Variants in SGCD observed in about 807,000 individuals in gnomAD.
SGCD encodes sarcoglycan delta.
In SGCD, 18 loss-of-function variants were observed where a neutral mutation model predicts 36.6. That is an observed-to-expected ratio of 0.49 (90% CI 0.34 to 0.73). The LOEUF (loss-of-function observed/expected upper bound fraction) is 0.73. SGCD is among the 30% of genes least tolerant of loss of function. The pLI, the probability that SGCD is intolerant of heterozygous loss-of-function variation, is 0.01. For missense variants in SGCD, 387 were observed against 346.7 expected, an observed-to-expected ratio of 1.12 and a Z score of -0.92; for synonymous variants, 133 against 130.6, an observed-to-expected ratio of 1.02 and a Z score of -0.12.
chr5:156,626,037 G>A (rs1762426370), intron 6 of SGCD, among the ~76,000 whole-genome samples: 1 of 151,980 alleles, frequency 6.6e-6, no homozygotes, highest in South Asian at 2.1e-4. Flanking sequence ...CAATTTGGTG[G>A]GGGTGGAGGT....
intron 1 of SGCD, among the ~76,000 whole-genome samples, chr5:156,095,832 A>G (rs1761361924): frequency 6.6e-6 from 1 of 152,204 alleles, no homozygotes; most frequent in Admixed American, 6.5e-5. Context: ...TCCTAATGGA[A>G]CAAAGCTCAG....
chr5:156,284,680 A>G (rs1766546947), intron 3 of SGCD, among the ~76,000 whole-genome samples: 2 of 152,206 alleles, frequency 1.3e-5, no homozygotes, highest in Admixed American at 1.3e-4. Context: ...TCTCAAAATT[A>G]TAAGAGCTGT....
chr5:156,129,799 G>C (rs1460536147), intron 3 of SGCD, among the ~76,000 whole-genome samples: 1 of 152,168 alleles, frequency 6.6e-6, no homozygotes, highest in African/African-American at 2.4e-5. Flanking sequence ...CTTCATCCAT[G>C]TTCCCACATT....
intron 1 of SGCD, among the ~76,000 whole-genome samples, chr5:156,016,242 A>T (rs753635759): frequency 1.3e-5 from 2 of 151,840 alleles, no homozygotes; most frequent in African/African-American, 2.4e-5. Context: ...TTTCATTTCA[A>T]TTTTTTTTCC....
rs190295310 is a variant in SGCD, at chr5:156,061,125, C to T, written c.-281-56753C>T. 1.9e-3 allele frequency among the ~76,000 whole-genome samples: 276 copies of T among 145,588 alleles called. 39 individuals carry two copies. Among genetic ancestry groups the T allele is most frequent in the Non-Finnish European group, 2.6e-4 (17 of 64,742 alleles). On this transcript the variant is annotated intron_variant, in intron 1 of 9. Transcript: ENST00000517913. ...AGTCAAAGCACTAGTCTCACAGAGA[C>T]GTTATTAATGAGTCTATAAGATTTT...
chr5:155,798,329 A>G, the SGCD span, among the ~76,000 whole-genome samples: 1,447 of 152,294 alleles, frequency 9.5e-3, 24 homozygotes, highest in African/African-American at 0.033. Flanking sequence ...ATTTTCAAAT[A>G]TATTATAGCC....
intron 4 of SGCD, among the ~76,000 whole-genome samples, chr5:156,585,245 A>G (rs562347817): frequency 6.6e-6 from 1 of 152,298 alleles, no homozygotes; most frequent in African/African-American, 2.4e-5. Context: ...CTACCCAAGC[A>G]TATTTATAAA....
At chr5:155,865,127 G>GATAGATAA in the SGCD span, among the ~76,000 whole-genome samples, 24 of 151,242 alleles carry the variant, frequency 1.6e-4, no homozygotes, top group African/African-American at 5.1e-4. Context: ...TAGATAGATA[G>GATAGATAA]ATAGATATTT....
the SGCD span, among the ~76,000 whole-genome samples, chr5:155,796,675 G>T: frequency 1.9e-4 from 29 of 151,560 alleles, no homozygotes; most frequent in African/African-American, 7.0e-4. Context: ...GTGTGGTGGT[G>T]CATGCTTGTA....
intron 1 of SGCD, among the ~76,000 whole-genome samples, chr5:156,030,704 A>G (rs1759329212): frequency 6.6e-6 from 1 of 152,098 alleles, no homozygotes; most frequent in Non-Finnish European, 1.5e-5. Flanking sequence ...AGTCATTTCC[A>G]TAGGGGGTTG....
chr5:155,783,302 C>T, the SGCD span, among the ~76,000 whole-genome samples: 2 of 152,094 alleles, frequency 1.3e-5, no homozygotes, highest in Non-Finnish European at 2.9e-5. Flanking sequence ...GAAATATCAA[C>T]AGAATTTAAA....
At chr5:156,339,514 C>T (rs1451349319) in intron 2 of SGCD, among the ~76,000 whole-genome samples, 2 of 152,130 alleles carry the variant, frequency 1.3e-5, no homozygotes, top group Non-Finnish European at 2.9e-5. Flanking sequence ...ATTCATTGAA[C>T]AAATGTACAC....
intron 7 of SGCD, among the ~76,000 whole-genome samples, chr5:156,687,053 A>G (rs1362889383): frequency 6.6e-6 from 1 of 152,214 alleles, no homozygotes; most frequent in Non-Finnish European, 1.5e-5. Context: ...AGATATGCTC[A>G]TGCCGCACCA....
the SGCD span, among the ~76,000 whole-genome samples, chr5:155,767,301 C>G: frequency 6.6e-6 from 1 of 152,198 alleles, no homozygotes; most frequent in Non-Finnish European, 1.5e-5. Context: ...TGTCAGTTGC[C>G]TGAACTTCCC....
chr5:156,041,786 G>A (rs991164352), intron 1 of SGCD, among the ~76,000 whole-genome samples: 10 of 152,154 alleles, frequency 6.6e-5, no homozygotes, highest in Non-Finnish European at 1.2e-4. Context: ...ACATAAAAGA[G>A]AGGTAATCTC....
At chr5:156,205,150 C>G (rs1764245336) in intron 3 of SGCD, among the ~76,000 whole-genome samples, 1 of 151,978 alleles carries the variant, frequency 6.6e-6, no homozygotes, top group African/African-American at 2.4e-5. Context: ...AAACAGACTT[C>G]AGAACTTCCA....
chr5:155,799,261 C>T, the SGCD span, among the ~76,000 whole-genome samples: 1 of 152,106 alleles, frequency 6.6e-6, no homozygotes, highest in Non-Finnish European at 1.5e-5. Flanking sequence ...TTTGTTTTAT[C>T]CCAATAATAA....
chr5:156,269,496 AAAAAAAAAAAAAAAC>A (rs1766106806), intron 3 of SGCD, among the ~76,000 whole-genome samples: 1 of 137,150 alleles, frequency 7.3e-6, no homozygotes, highest in African/African-American at 2.8e-5. Flanking sequence ...AAAAAAAAAA[AAAAAAAAAAAAAAAC>A]CATCAGATCT....
chr5:156,479,907 C>A (rs1162669514), intron 3 of SGCD, among the ~76,000 whole-genome samples: 5 of 152,196 alleles, frequency 3.3e-5, no homozygotes, highest in Non-Finnish European at 7.3e-5. Context: ...CCGCTTTGAC[C>A]TGAATATATG....
Sources: gnomAD v4.1 joint callset for allele counts (sites outside exome capture counted in the v4.1 genomes callset) on GRCh38, gnomAD v4.1.1 for gene constraint, MANE v1.5 for transcripts, NCBI Gene and HGNC (gene_info 2026-07-23, HGNC 2026-07-21) for gene names.